ATG7: variants seen among roughly 807,000 people sequenced by gnomAD.
The protein encoded by ATG7 is autophagy related 7.
Under a neutral mutation model 82.4 loss-of-function variants are expected in ATG7, and 70 were observed. The ratio of observed to expected loss-of-function variants is 0.85; its 90% CI spans 0.70 to 1.04. The LOEUF (loss-of-function observed/expected upper bound fraction) is 1.04, where lower values mean the gene tolerates loss of function less well. ATG7 is among the 50% of genes least tolerant of loss of function. ATG7 has a pLI of 0.00. For synonymous variants in ATG7, 287 were observed against 313.0 expected (o/e 0.92, Z 0.88); for missense variants, 792 against 864.3 (o/e 0.92, Z 1.05).
At chr3:11,399,415 GA>G (rs2152891779) in intron 19 of ATG7, among the ~76,000 whole-genome samples, 1 of 152,262 alleles carries the variant, frequency 6.6e-6, no homozygotes, top group African/African-American at 2.4e-5. Flanking sequence ...AAAACAAAAT[GA>G]AGTGATATTA....
At chr3:11,328,318 T>C (rs994458487) in intron 9 of ATG7, among the ~76,000 whole-genome samples, 5 of 152,180 alleles carry the variant, frequency 3.3e-5, no homozygotes, top group African/African-American at 9.7e-5. Flanking sequence ...CTAGGCCTCA[T>C]TTAGTAAGAG....
intron 11 of ATG7, among the ~76,000 whole-genome samples, chr3:11,335,720 A>G (rs2152762377): frequency 6.6e-6 from 1 of 152,288 alleles, no homozygotes; most frequent in South Asian, 2.1e-4. Flanking sequence ...TTTTTGAGAC[A>G]GAGTCTTGCC....
At chr3:11,429,756 T>G (rs1459452499) in intron 20 of ATG7, among the ~76,000 whole-genome samples, 1 of 152,078 alleles carries the variant, frequency 6.6e-6, no homozygotes, top group Non-Finnish European at 1.5e-5. Context: ...GAGACCAGCC[T>G]GGGCAACACG....
At chr3:11,329,293 G>A (rs1391736722) in intron 9 of ATG7, among the ~76,000 whole-genome samples, 1 of 152,210 alleles carries the variant, frequency 6.6e-6, no homozygotes, top group Non-Finnish European at 1.5e-5. Context: ...CTTTGTGGCT[G>A]ATACTATACC....
At chr3:11,473,657 G>A (rs1370158447) in intron 20 of ATG7, among the ~76,000 whole-genome samples, 2 of 152,176 alleles carry the variant, frequency 1.3e-5, no homozygotes, top group East Asian at 3.8e-4. Context: ...TTAAGATAGA[G>A]TCACTTCTGA....
At position 11,308,878 on chromosome 3, in the gene ATG7, C is replaced by T; in HGVS notation, c.334-106C>T. ...TTGTTTGGGGTAAGTGGTGCTGGGCCTGTAGGAAAGAAGAGCCTGGTGCTT... is the reference window on the plus strand; with the variant it reads ...TTGTTTGGGGTAAGTGGTGCTGGGCTTGTAGGAAAGAAGAGCCTGGTGCTT... On this transcript the variant is annotated intron_variant, in intron 6 of 20. Transcript: ENST00000693202. The T allele has an allele frequency of 1.9e-5, 19 of 1,021,342 alleles. No individual in the cohort carries two copies. The South Asian group carries it at 2.5e-4, about 13-fold the overall frequency. 63.3% of individuals were successfully genotyped at this position (1,021,342 alleles called of 1,614,324 possible).
intron 8 of ATG7, among the ~76,000 whole-genome samples, chr3:11,313,698 G>A (rs1444309785): frequency 6.6e-6 from 1 of 152,162 alleles, no homozygotes; most frequent in East Asian, 1.9e-4. Flanking sequence ...AACTTCTCAG[G>A]CTCAGGTGAT....
chr3:11,363,950 G>C (rs2076436966), intron 17 of ATG7, among the ~76,000 whole-genome samples: 1 of 152,060 alleles, frequency 6.6e-6, no homozygotes, highest in Non-Finnish European at 1.5e-5. Flanking sequence ...ATCCACCTTA[G>C]CTATCTGTCA....
chr3:11,288,602 A>C (rs1262813672), intron 3 of ATG7: 1 of 152,172 alleles, frequency 6.6e-6, no homozygotes, highest in East Asian at 1.9e-4. Context: ...AAGGTCATGC[A>C]GTGAAAATAA....
intron 19 of ATG7, among the ~76,000 whole-genome samples, chr3:11,416,489 A>G (rs533034757): frequency 5.9e-5 from 9 of 152,118 alleles, no homozygotes; most frequent in Non-Finnish European, 1.0e-4. Context: ...AAATTTCTAG[A>G]TACGGAGTTG....
chr3:11,456,411 T>C (rs2085719648), intron 20 of ATG7, among the ~76,000 whole-genome samples: 1 of 152,230 alleles, frequency 6.6e-6, no homozygotes, highest in Non-Finnish European at 1.5e-5. Flanking sequence ...TTGTTTCCAC[T>C]TTTTTGCTGT....
At chr3:11,373,005 G>A (rs1354764449) in intron 18 of ATG7, among the ~76,000 whole-genome samples, 1 of 151,180 alleles carries the variant, frequency 6.6e-6, no homozygotes, top group Non-Finnish European at 1.5e-5. Context: ...ATGGGAGTAT[G>A]GGTTATTGTT....
intron 20 of ATG7, among the ~76,000 whole-genome samples, chr3:11,528,328 A>G (rs1311595184): frequency 6.6e-6 from 1 of 152,206 alleles, no homozygotes; most frequent in African/African-American, 2.4e-5. Flanking sequence ...ATACTTTAAA[A>G]AAACATAAGA....
intron 20 of ATG7, among the ~76,000 whole-genome samples, chr3:11,439,387 C>T (rs1276023498): frequency 6.6e-6 from 1 of 152,096 alleles, no homozygotes; most frequent in Admixed American, 6.5e-5. Flanking sequence ...TAGTCTTGAT[C>T]CATCTTGCTT....
At chr3:11,477,795 G>A (rs1267625435) in intron 20 of ATG7, among the ~76,000 whole-genome samples, 5 of 152,176 alleles carry the variant, frequency 3.3e-5, no homozygotes, top group Non-Finnish European at 5.9e-5. Context: ...CAGCCTAGAC[G>A]CATTCTCTGT....
chr3:11,484,813 G>A (rs568550793), intron 20 of ATG7, among the ~76,000 whole-genome samples: 11 of 152,112 alleles, frequency 7.2e-5, no homozygotes, highest in Admixed American at 6.5e-4. Context: ...TTGTTCTTGC[G>A]ATAGTTTACT....
At position 11,313,436 on chromosome 3, in the gene ATG7, C is replaced by T; in HGVS notation, c.528+16C>T. 1.3e-6 allele frequency: 2 copies of T among 1,549,970 alleles called. No homozygotes were observed. The highest frequency in any genetic ancestry group is 1.8e-6 in the Non-Finnish European group (2 of 1,129,884). Reference sequence around the variant, plus strand: ...ACTAAAACAGGTATCAACAAATAACCAAAATGCACATAAAATTGGGTTGAA... The same window carrying T: ...ACTAAAACAGGTATCAACAAATAACTAAAATGCACATAAAATTGGGTTGAA... On this transcript the variant is annotated intron_variant, in intron 8 of 20. Transcript: ENST00000693202.
intron 5 of ATG7, among the ~76,000 whole-genome samples, chr3:11,303,917 C>CAAA (rs55893689): frequency 1.2e-4 from 9 of 75,886 alleles, no homozygotes; most frequent in East Asian, 3.9e-4. Flanking sequence ...ACTAAAAATG[C>CAAA]AAAAAAAAAA....
intron 20 of ATG7, among the ~76,000 whole-genome samples, chr3:11,490,136 A>G (rs2090192292): frequency 2.0e-5 from 3 of 152,150 alleles, no homozygotes; most frequent in South Asian, 4.2e-4. Flanking sequence ...GTCACTCAGG[A>G]CTTGCTTTAT....
Sources: allele counts gnomAD v4.1 joint callset (sites outside exome capture counted in the v4.1 genomes callset), GRCh38; gene constraint gnomAD v4.1.1; transcripts MANE v1.5; gene names NCBI Gene and HGNC (gene_info 2026-07-23, HGNC 2026-07-21).